PTPN14: variants seen among roughly 807,000 people sequenced by gnomAD.
The protein encoded by PTPN14 is tyrosine-protein phosphatase non-receptor type 14.
Under a neutral mutation model 126.8 loss-of-function variants are expected in PTPN14, and 53 were observed. That is an observed-to-expected ratio of 0.42 (90% CI 0.34 to 0.53). The LOEUF is 0.53. Among genes scored for constraint, PTPN14 ranks in the 20% least tolerant of loss-of-function variants. The pLI, the probability that PTPN14 is intolerant of heterozygous loss-of-function variation, is 0.08. For synonymous variants in PTPN14, 630 were observed against 599.3 expected, an observed-to-expected ratio of 1.05 and a Z score of -0.75; for missense variants, 1,257 against 1,552.9, an observed-to-expected ratio of 0.81 and a Z score of 3.20.
At chr1:214,517,125 T>A (rs987752567) in intron 1 of PTPN14, among the ~76,000 whole-genome samples, 1 of 152,180 alleles carries the variant, frequency 6.6e-6, no homozygotes, top group African/African-American at 2.4e-5. Context: ...CCTCTAAGCC[T>A]TTACAATGTC....
chr1:214,483,100 T>C (rs1661034068), intron 1 of PTPN14: 4 of 1,539,376 alleles, frequency 2.6e-6, no homozygotes, highest in East Asian at 4.5e-5. Context: ...ATTTGTCTAA[T>C]GTTTCCACAA....
intron 1 of PTPN14, among the ~76,000 whole-genome samples, chr1:214,468,214 A>T (rs1330316379): frequency 1.3e-5 from 2 of 152,178 alleles, no homozygotes; most frequent in Non-Finnish European, 2.9e-5. Context: ...AGCAGGGGTA[A>T]AGAAGTCATG....
chr1:214,406,526 A>C (rs1317223186), intron 5 of PTPN14, among the ~76,000 whole-genome samples: 2 of 152,182 alleles, frequency 1.3e-5, no homozygotes, highest in Admixed American at 6.5e-5. Context: ...CTAGCAACTA[A>C]ATTTTTAATT....
chr1:214,408,512 C>T (rs17022822), intron 5 of PTPN14, among the ~76,000 whole-genome samples: 2,608 of 152,294 alleles, frequency 0.017, 83 homozygotes, highest in African/African-American at 0.059. Flanking sequence ...GCATTTTACT[C>T]TATTGATTCA....
At chr1:214,444,126 G>A (rs1434366198) in intron 3 of PTPN14, among the ~76,000 whole-genome samples, 2 of 152,124 alleles carry the variant, frequency 1.3e-5, no homozygotes, top group Non-Finnish European at 2.9e-5. Context: ...ATCTCATTTT[G>A]GGAAGGTAAT....
At chr1:214,424,750 T>A (rs1345134172) in intron 3 of PTPN14, among the ~76,000 whole-genome samples, 1 of 152,194 alleles carries the variant, frequency 6.6e-6, no homozygotes, top group Non-Finnish European at 1.5e-5. Context: ...AGTTTTGCCA[T>A]GTTGGCAAGG....
At position 214,465,951 on chromosome 1, in the gene PTPN14, C is replaced by CTTTCTTTTTTTTT. The variant is rs1324868342; in HGVS notation, c.-154-995_-154-994insAAAAAAAAAGAAA. 1.5e-3 allele frequency among the ~76,000 whole-genome samples: 90 copies of CTTTCTTTTTTTTT among 59,034 alleles called. 6 individuals carry two copies. The highest frequency in any genetic ancestry group is 5.8e-3 in the African/African-American group (84 of 14,454). 38.7% of individuals were successfully genotyped at this position (59,034 alleles called of 152,430 possible). Reference sequence around the variant, plus strand: ...TGCATTTAATATAATCAGTTACTTCCTTTTTTTTTTTTTTTTTTTTGTGAA... The same window carrying CTTTCTTTTTTTTT: ...TGCATTTAATATAATCAGTTACTTCCTTTCTTTTTTTTTTTTTTTTTTTTTTTTTTTTTGTGAA... On this transcript the variant is annotated intron_variant, in intron 1 of 18. Transcript: ENST00000366956.
At chr1:214,361,758 C>T (rs1379751563) in intron 18 of PTPN14, among the ~76,000 whole-genome samples, 2 of 152,200 alleles carry the variant, frequency 1.3e-5, no homozygotes, top group Non-Finnish European at 2.9e-5. Flanking sequence ...TTCTGAAAAA[C>T]TCTATGCACC....
intron 3 of PTPN14, among the ~76,000 whole-genome samples, chr1:214,416,021 C>G (rs1190224667): frequency 6.6e-6 from 1 of 152,214 alleles, no homozygotes; most frequent in Non-Finnish European, 1.5e-5. Context: ...ACATGCCATT[C>G]ATTCCTTCTC....
intron 18 of PTPN14, among the ~76,000 whole-genome samples, chr1:214,360,442 G>A (rs1657930226): frequency 6.6e-6 from 1 of 152,184 alleles, no homozygotes; most frequent in Non-Finnish European, 1.5e-5. Flanking sequence ...ACAGAGCCTA[G>A]GTTATAAGCT....
chr1:214,466,819 T>C (rs1384444855), intron 1 of PTPN14, among the ~76,000 whole-genome samples: 1 of 152,178 alleles, frequency 6.6e-6, no homozygotes, highest in Non-Finnish European at 1.5e-5. Flanking sequence ...CAAATAGGAA[T>C]AGCTACTACT....
chr1:214,448,974 G>A (rs1489459021), intron 3 of PTPN14, among the ~76,000 whole-genome samples: 2 of 151,590 alleles, frequency 1.3e-5, no homozygotes, highest in Non-Finnish European at 1.5e-5. Context: ...AATATCTAAA[G>A]GCAGCTACTA....
At chr1:214,362,531 G>A (rs1315118955) in intron 18 of PTPN14, among the ~76,000 whole-genome samples, 1 of 152,242 alleles carries the variant, frequency 6.6e-6, no homozygotes, top group Non-Finnish European at 1.5e-5. Flanking sequence ...TGATATGCTT[G>A]TCTGTGCTCT....
At chr1:214,397,793 TGAGAG>T in intron 8 of PTPN14, 115 bp downstream of exon 8, 1 of 784,122 alleles carries the variant, frequency 1.3e-6, no homozygotes, top group Non-Finnish European at 2.0e-6. Context: ...TTATATGAGC[TGAGAG>T]AAGTCAAATC....
chr1:214,383,922 C>A lies in PTPN14; in HGVS notation c.1933G>T (p.Val645Leu), dbSNP rs746591836. 6.2e-7 allele frequency: 1 copy of A among 1,613,442 alleles called. No individual in the cohort carries two copies. The highest frequency in any genetic ancestry group is 1.7e-5 in the Admixed American group (1 of 60,036). The change falls in exon 13 of 19, where the codon GTG becomes TTG. Residue 645 changes from valine to leucine, a missense_variant. Val to Leu is a conservative substitution (Grantham distance 32). Coordinates refer to ENST00000366956, the MANE Select transcript of PTPN14 (RefSeq NM_005401.5). The surrounding 1 kb of genome is among the most constrained non-coding windows in gnomAD (Gnocchi z 4.4). ...GTVNKRHSLEVMNSMVRGMEA... is the reference protein window; with the variant it reads ...GTVNKRHSLELMNSMVRGMEA... ...ATGCCCCGCACCATGCTGTTCATCACCTCCAGGCTGTGGCGCTTGTTCACA... is the reference window on the plus strand; with the variant it reads ...ATGCCCCGCACCATGCTGTTCATCAACTCCAGGCTGTGGCGCTTGTTCACA...
intron 3 of PTPN14, among the ~76,000 whole-genome samples, chr1:214,416,013 A>G (rs889665376): frequency 1.3e-5 from 2 of 152,236 alleles, no homozygotes; most frequent in Non-Finnish European, 2.9e-5. Context: ...TCTCATCTAC[A>G]TGCCATTCAT....
intron 1 of PTPN14, among the ~76,000 whole-genome samples, chr1:214,533,829 T>G (rs1450373000): frequency 7.9e-6 from 1 of 125,932 alleles, no homozygotes; most frequent in Non-Finnish European, 1.6e-5. Context: ...AGAGTGAGAC[T>G]CCGTCTCAAA....
chr1:214,452,714 G>A (rs571735546), intron 2 of PTPN14, among the ~76,000 whole-genome samples: 97 of 152,188 alleles, frequency 6.4e-4, no homozygotes, highest in African/African-American at 2.3e-3. Context: ...TGAACAACAT[G>A]CTAAATGATT....
chr1:214,466,436 C>T (rs1660640976), intron 1 of PTPN14, among the ~76,000 whole-genome samples: 1 of 152,152 alleles, frequency 6.6e-6, no homozygotes, highest in Non-Finnish European at 1.5e-5. Context: ...AACCAAATCA[C>T]AGATAATTTA....
Sources: allele counts gnomAD v4.1 joint callset (sites outside exome capture counted in the v4.1 genomes callset), GRCh38; gene constraint gnomAD v4.1.1; non-coding constraint Gnocchi (gnomAD v3.1); transcripts MANE v1.5; gene names NCBI Gene and HGNC (gene_info 2026-07-23, HGNC 2026-07-21).